Variants in PAK2 observed in about 807,000 individuals in gnomAD.
PAK2 encodes the protein p21 (RAC1) activated kinase 2, also known as serine/threonine-protein kinase PAK 2.
Under a neutral mutation model 65.9 loss-of-function variants are expected in PAK2, and 21 were observed. That is an observed-to-expected ratio of 0.32 (90% CI 0.23 to 0.46). PAK2 has a LOEUF of 0.46. Ranked by LOEUF, PAK2 falls within the 20% of genes least tolerant of loss-of-function variation. The probability of loss-of-function intolerance (pLI) is 1.00; values close to 1 mark genes in which losing one functional copy is unlikely to be tolerated. For synonymous variants in PAK2, 204 were observed against 219.7 expected (o/e 0.93, Z 0.63); for missense variants, 324 against 642.6 (o/e 0.50, Z 5.36).
At chr3:196,765,900 C>G (rs1477084400) in intron 1 of PAK2, among the ~76,000 whole-genome samples, 1 of 148,446 alleles carries the variant, frequency 6.7e-6, no homozygotes, top group Non-Finnish European at 1.5e-5. Context: ...AAATTAGTAT[C>G]TTCTTTTTTT....
chr3:196,785,108 C>T (rs1474386882), intron 2 of PAK2: 1 of 151,814 alleles, frequency 6.6e-6, no homozygotes, highest in African/African-American at 2.4e-5. Context: ...TTTTAAATAC[C>T]CCAGATGATA....
At chr3:196,799,806 G>A (rs938802255) in intron 2 of PAK2, among the ~76,000 whole-genome samples, 4 of 152,134 alleles carry the variant, frequency 2.6e-5, no homozygotes, top group African/African-American at 9.7e-5. Flanking sequence ...TAGATACAGT[G>A]TTTTGCCATG....
intron 8 of PAK2, among the ~76,000 whole-genome samples, chr3:196,811,201 C>A (rs202020142): frequency 2.6e-5 from 1 of 38,886 alleles, no homozygotes; most frequent in Non-Finnish European, 5.2e-5. Context: ...ATTCCTTCCT[C>A]CCTTCCTTCC....
At chr3:196,810,961 A>G (rs1302805977) in intron 8 of PAK2, among the ~76,000 whole-genome samples, 1 of 152,116 alleles carries the variant, frequency 6.6e-6, no homozygotes, top group Non-Finnish European at 1.5e-5. Flanking sequence ...CTGCATGACT[A>G]TAAGCAATAA....
chr3:196,803,227 T>G (rs1336971859), intron 4 of PAK2, 63 bp downstream of exon 4: 2 of 1,291,312 alleles, frequency 1.5e-6, no homozygotes, highest in African/African-American at 1.5e-5. Context: ...GATAAAAAGA[T>G]TACTCCTGGA....
rs574011132 is a variant in PAK2, at chr3:196,790,619, G to A, written c.187+7786G>A. Reference sequence around the variant, plus strand: ...GGTGTAACATGTAGGGGTCCGTCCCGCAGACCCTGACCCAATGACGGATGA... The same window carrying A: ...GGTGTAACATGTAGGGGTCCGTCCCACAGACCCTGACCCAATGACGGATGA... On this transcript the variant is annotated intron_variant, in intron 2 of 14. Transcript: ENST00000327134. Among the ~76,000 whole-genome samples the A allele has an allele frequency of 9.9e-5, 15 of 152,216 alleles. No individual in the cohort carries two copies. In the East Asian group the frequency reaches 1.2e-3, roughly 12 times the overall value.
chr3:196,806,800 G>A (rs35013100), intron 6 of PAK2, 114 bp downstream of exon 6: 131,845 of 660,046 alleles, frequency 0.2, 14,167 homozygotes, highest in Middle Eastern at 0.29. Flanking sequence ...GTTTAAAATC[G>A]TTTAGTATGG....
chr3:196,759,522 T>G (rs148033286), intron 1 of PAK2, among the ~76,000 whole-genome samples: 54,700 of 116,192 alleles, frequency 0.47, 11,606 homozygotes, highest in Non-Finnish European at 0.5. Flanking sequence ...TTTTTTTTTT[T>G]TTTTTTTTTT....
chr3:196,771,671 G>A (rs995934707), intron 1 of PAK2, among the ~76,000 whole-genome samples: 4 of 152,020 alleles, frequency 2.6e-5, no homozygotes, highest in African/African-American at 4.8e-5. Flanking sequence ...CAATTCTTCC[G>A]CCTCAGCCTC....
chr3:196,753,620 C>T (rs766169645), intron 1 of PAK2, among the ~76,000 whole-genome samples: 2 of 152,166 alleles, frequency 1.3e-5, no homozygotes, highest in Non-Finnish European at 2.9e-5. Flanking sequence ...TCATGTATAC[C>T]ATCTAGTGTA....
intron 1 of PAK2, among the ~76,000 whole-genome samples, chr3:196,745,628 C>T (rs1211383222): frequency 2.0e-5 from 3 of 152,058 alleles, no homozygotes; most frequent in South Asian, 2.1e-4. Context: ...GCCTAACCAA[C>T]GTGGTGAAAC....
At chr3:196,764,841 C>CTTTTT (rs57199433) in intron 1 of PAK2, among the ~76,000 whole-genome samples, 27 of 107,598 alleles carry the variant, frequency 2.5e-4, no homozygotes, top group African/African-American at 3.8e-4. Context: ...TCTTTTCTTT[C>CTTTTT]TTTTTTTTTT....
chr3:196,759,525 T>TTTTTTTTG (rs1713891525), intron 1 of PAK2, among the ~76,000 whole-genome samples: 1 of 131,628 alleles, frequency 7.6e-6, no homozygotes, highest in Non-Finnish European at 1.6e-5. Context: ...TTTTTTTTTT[T>TTTTTTTTG]TTTTTTTTTT....
At chr3:196,761,483 A>C (rs1179703327) in intron 1 of PAK2, among the ~76,000 whole-genome samples, 4 of 84,976 alleles carry the variant, frequency 4.7e-5, no homozygotes, top group African/African-American at 1.4e-4. Flanking sequence ...GTAAGGTCAC[A>C]GATCAACAGG....
chr3:196,825,238 CG>C (rs35360092), intron 13 of PAK2, among the ~76,000 whole-genome samples: 57,804 of 151,562 alleles, frequency 0.38, 12,128 homozygotes, highest in African/African-American at 0.52. Flanking sequence ...CCCAGCTACT[CG>C]GGAGGCTGAG....
chr3:196,825,271 G>A (rs74773826), intron 13 of PAK2, among the ~76,000 whole-genome samples: 9 of 151,944 alleles, frequency 5.9e-5, no homozygotes, highest in East Asian at 3.9e-4. Context: ...GCTGGAACCC[G>A]GGAGGCAGAG....
At position 196,784,882 on chromosome 3, in the gene PAK2, G is replaced by A. The variant is rs556210643; in HGVS notation, c.187+2049G>A. 20 of 151,926 alleles carry A rather than the reference G, an allele frequency of 1.3e-4. No homozygotes were observed. In the South Asian group the frequency reaches 4.0e-3, roughly 30 times the overall value. 9.4% of individuals were successfully genotyped at this position (151,926 alleles called of 1,614,324 possible). ...TTCCTATTTCTCCACATCCTCTCCA[G>A]CACCTGTTGTTTCCTGACTTTTTAA... On this transcript the variant is annotated intron_variant, in intron 2 of 14. Coordinates refer to ENST00000327134, the MANE Select transcript of PAK2 (RefSeq NM_002577.4).
chr3:196,811,326 C>CCTTTCCTT (rs767093966), intron 8 of PAK2, among the ~76,000 whole-genome samples: 2 of 4,394 alleles, frequency 4.6e-4, no homozygotes, highest in African/African-American at 1.2e-3. Context: ...TTCCTTCCTT[C>CCTTTCCTT]CCTTCCCTCC....
At chr3:196,825,480 G>T (rs1036574182) in intron 13 of PAK2, among the ~76,000 whole-genome samples, 1 of 150,376 alleles carries the variant, frequency 6.6e-6, no homozygotes, top group Admixed American at 6.6e-5. Flanking sequence ...CGTCTCTACT[G>T]AAAATACAAA....
Sources: gnomAD v4.1 joint callset for allele counts (sites outside exome capture counted in the v4.1 genomes callset) on GRCh38, gnomAD v4.1.1 for gene constraint, MANE v1.5 for transcripts, NCBI Gene and HGNC (gene_info 2026-07-23, HGNC 2026-07-21) for gene names.